Variants in SCP2 observed in about 807,000 individuals in gnomAD.
SCP2 encodes SCP-2/3-oxoacyl-CoA thiolase.
In SCP2, 48 loss-of-function variants were observed where a neutral mutation model predicts 71.4. That is an observed-to-expected ratio of 0.67 (90% confidence interval 0.53 to 0.86). SCP2 has a LOEUF of 0.86. Among genes scored for constraint, SCP2 ranks in the 40% least tolerant of loss-of-function variants. SCP2 has a pLI of 0.00. For missense variants in SCP2, 560 were observed against 655.6 expected, an observed-to-expected ratio of 0.85 and a Z score of 1.59; for synonymous variants, 220 against 218.1, an observed-to-expected ratio of 1.01 and a Z score of -0.08.
intron 4 of SCP2, among the ~76,000 whole-genome samples, chr1:52,952,718 G>A (rs1362310512): frequency 6.6e-6 from 1 of 152,092 alleles, no homozygotes; most frequent in Non-Finnish European, 1.5e-5. Flanking sequence ...AGTTTGCTAT[G>A]ACTGTGCCAC....
chr1:53,019,735 A>G (rs1053846693), intron 12 of SCP2, among the ~76,000 whole-genome samples: 3 of 152,240 alleles, frequency 2.0e-5, no homozygotes, highest in African/African-American at 7.2e-5. Flanking sequence ...TATTTAAGGA[A>G]TGCACGCAAT....
At chr1:52,995,086 CAGG>C in intron 11 of SCP2, 3 of 499,128 alleles carry the variant, frequency 6.0e-6, no homozygotes, top group South Asian at 4.8e-5. Context: ...AGATGTGGTG[CAGG>C]AGGAGTAAGA....
chr1:53,016,039 C>CT (rs72193726), intron 12 of SCP2, among the ~76,000 whole-genome samples: 16 of 151,408 alleles, frequency 1.1e-4, no homozygotes, highest in African/African-American at 1.2e-4. Flanking sequence ...AGACACACTT[C>CT]TTTTTTTTTA....
At chr1:53,014,337 AC>A (rs1661191146) in intron 11 of SCP2, among the ~76,000 whole-genome samples, 3 of 152,072 alleles carry the variant, frequency 2.0e-5, no homozygotes, top group Non-Finnish European at 4.4e-5. Flanking sequence ...TCACAGATTA[AC>A]CTTTCTGTTT....
intron 1 of SCP2, among the ~76,000 whole-genome samples, chr1:52,938,525 G>C (rs1435281116): frequency 6.6e-6 from 1 of 152,066 alleles, no homozygotes; most frequent in Admixed American, 6.6e-5. Context: ...ATGCTAGTTG[G>C]TCTCACTGCC....
rs1465139572 is a variant in SCP2 at position 53,050,713 on chromosome 1, C to T, written c.*9C>T. 4 of 1,571,950 alleles carry T rather than the reference C, an allele frequency of 2.5e-6. No homozygotes were observed. On this transcript the variant is annotated 3_prime_UTR_variant, in exon 16 of 16. Transcript: ENST00000371514. Reference sequence around the variant, plus strand: ...GCAACGCTAAGCTCTGAAGAACTCCCTTTGGCTACTTTTGAAAATCAAGAT... The same window carrying T: ...GCAACGCTAAGCTCTGAAGAACTCCTTTTGGCTACTTTTGAAAATCAAGAT...
chr1:52,941,315 C>T (rs1654214181), intron 1 of SCP2, among the ~76,000 whole-genome samples: 1 of 152,142 alleles, frequency 6.6e-6, no homozygotes, highest in African/African-American at 2.4e-5. Context: ...GTGTAACTGT[C>T]TGTCTTAGGT....
intron 6 of SCP2, among the ~76,000 whole-genome samples, chr1:52,972,264 C>T (rs1340131651): frequency 2.0e-5 from 3 of 152,180 alleles, no homozygotes; most frequent in Non-Finnish European, 4.4e-5. Flanking sequence ...AATAGTTTGA[C>T]ATAAAGGCAT....
intron 11 of SCP2, among the ~76,000 whole-genome samples, chr1:53,008,412 A>T (rs1192699535): frequency 1.3e-5 from 2 of 152,224 alleles, no homozygotes; most frequent in African/African-American, 4.8e-5. Flanking sequence ...CCAGCAACAC[A>T]TCAAAAAGCT....
At chr1:53,010,684 G>A (rs1224170487) in intron 11 of SCP2, among the ~76,000 whole-genome samples, 1 of 152,076 alleles carries the variant, frequency 6.6e-6, no homozygotes, top group Non-Finnish European at 1.5e-5. Flanking sequence ...TATAAATGAC[G>A]AGTTAATGGG....
chr1:53,012,212 C>T (rs1331895193), intron 11 of SCP2, among the ~76,000 whole-genome samples: 1 of 152,206 alleles, frequency 6.6e-6, no homozygotes, highest in African/African-American at 2.4e-5. Context: ...TGCCCCACGC[C>T]CAGAAGGAAG....
At chr1:52,943,201 G>A (rs537734924) in intron 2 of SCP2, among the ~76,000 whole-genome samples, 1 of 150,778 alleles carries the variant, frequency 6.6e-6, no homozygotes, top group East Asian at 1.9e-4. Context: ...TTTTGAGAAT[G>A]AAATGGTTCC....
intron 11 of SCP2, among the ~76,000 whole-genome samples, chr1:53,008,886 G>C (rs535837948): frequency 6.6e-6 from 1 of 152,158 alleles, no homozygotes; most frequent in Non-Finnish European, 1.5e-5. Flanking sequence ...AAACCCCATC[G>C]TCTTAGCCCA....
intron 12 of SCP2, among the ~76,000 whole-genome samples, chr1:53,020,726 T>C (rs1661655117): frequency 6.6e-6 from 1 of 152,146 alleles, no homozygotes; most frequent in Non-Finnish European, 1.5e-5. Flanking sequence ...CCAAAGAGGA[T>C]CTTATCATAT....
At chr1:53,049,385 T>C (rs1021015380) in intron 15 of SCP2, 19 of 152,232 alleles carry the variant, frequency 1.2e-4, no homozygotes, top group Admixed American at 2.6e-4. Flanking sequence ...ACTTCCCTTA[T>C]GCTCAGAGGA....
rs771433635 is a variant in SCP2, at chr1:52,934,592, C to CTTTTTTTTTTTTTTT, written c.69+7151_69+7165dup. ...GTTTCAAATTCTACATTCCAGCTAACTTTTTTTTTTTTTTTTTTTTTTTTT... is the reference window on the plus strand; with the variant it reads ...GTTTCAAATTCTACATTCCAGCTAACTTTTTTTTTTTTTTTTTTTTTTTTTTTTTTTTTTTTTTTT... On this transcript the variant is annotated intron_variant, in intron 1 of 15. Transcript: ENST00000371514. 1.2e-3 allele frequency among the ~76,000 whole-genome samples: 35 copies of CTTTTTTTTTTTTTTT among 29,058 alleles called. 13 individuals are homozygous for CTTTTTTTTTTTTTTT. The highest frequency in any genetic ancestry group is 5.2e-3 in the Admixed American group (8 of 1,548). 19.1% of individuals were successfully genotyped at this position (29,058 alleles called of 152,430 possible).
At chr1:53,012,771 T>A (rs1016577237) in intron 11 of SCP2, among the ~76,000 whole-genome samples, 4 of 152,236 alleles carry the variant, frequency 2.6e-5, no homozygotes, top group African/African-American at 7.2e-5. Flanking sequence ...TGCCATAGTT[T>A]CCCCTGCATT....
chr1:52,972,472 T>C (rs72899319), intron 6 of SCP2, among the ~76,000 whole-genome samples: 2,577 of 152,318 alleles, frequency 0.017, 45 homozygotes, highest in African/African-American at 0.057. Context: ...ACATCTCTTA[T>C]GTCAGACACC....
chr1:52,956,006 G>C (rs924260572), intron 5 of SCP2, among the ~76,000 whole-genome samples: 20 of 151,372 alleles, frequency 1.3e-4, no homozygotes, highest in Admixed American at 5.3e-4. Flanking sequence ...TTATAGAAAA[G>C]AAAAATGAAA....
Sources: gnomAD v4.1 joint callset for allele counts (sites outside exome capture counted in the v4.1 genomes callset) on GRCh38, gnomAD v4.1.1 for gene constraint, MANE v1.5 for transcripts, NCBI Gene and HGNC (gene_info 2026-07-23, HGNC 2026-07-21) for gene names.